Variants in ABCB1 observed in about 807,000 individuals in gnomAD.
The protein encoded by ABCB1 is ATP-dependent translocase ABCB1.
A neutral mutation model predicts 142.0 loss-of-function variants in ABCB1; 69 were observed. The observed-to-expected ratio is 0.49, with a 90% CI of 0.40 to 0.59. The LOEUF is 0.59. Ranked by LOEUF, ABCB1 falls within the 20% of genes least tolerant of loss-of-function variation. The pLI, the probability that ABCB1 is intolerant of heterozygous loss-of-function variation, is 0.00. For missense variants in ABCB1, 1,326 were observed against 1,554.7 expected (o/e 0.85, Z 2.47); for synonymous variants, 532 against 539.2 (o/e 0.99, Z 0.18).
intron 1 of ABCB1, among the ~76,000 whole-genome samples, chr7:87,677,308 C>T (rs1351965111): frequency 1.4e-5 from 2 of 146,978 alleles, no homozygotes; most frequent in Admixed American, 6.8e-5. Context: ...CACACACACA[C>T]ACCACAATGG....
chr7:87,600,225 T>C (rs200672118), intron 1 of ABCB1, 35 bp from the exon 2 acceptor site: 3 of 1,588,780 alleles, frequency 1.9e-6, no homozygotes, highest in South Asian at 2.2e-5. Flanking sequence ...GCCAAATGCA[T>C]GAGCCTCAGG....
intron 1 of ABCB1, among the ~76,000 whole-genome samples, chr7:87,637,523 A>T (rs1238574150): frequency 6.6e-6 from 1 of 151,852 alleles, no homozygotes; most frequent in Non-Finnish European, 1.5e-5. Flanking sequence ...CATCTTTATG[A>T]TATTAAGACT....
At chr7:87,542,202 C>T (rs754840001) in intron 17 of ABCB1, among the ~76,000 whole-genome samples, 3 of 152,094 alleles carry the variant, frequency 2.0e-5, no homozygotes, top group Non-Finnish European at 4.4e-5. Flanking sequence ...ATAACAACAA[C>T]AACAAGGATT....
chr7:87,642,973 A>G (rs531398818), intron 1 of ABCB1, among the ~76,000 whole-genome samples: 2 of 152,200 alleles, frequency 1.3e-5, no homozygotes, highest in East Asian at 3.9e-4. Context: ...TGGAGTGTAG[A>G]CGCATGACCA....
chr7:87,658,564 A>T lies in ABCB1; in HGVS notation c.-331+54597T>A, dbSNP rs28746492. ...GCAAACCACAAATAGGAAAAATTCA[A>T]ATAAATTCATGCCAAAGGCACGATA... On this transcript the variant is annotated intron_variant, in intron 1 of 28. Transcript: ENST00000265724. Among the ~76,000 whole-genome samples the T allele has an allele frequency of 3.7e-4, 57 of 152,276 alleles. 1 individual carries two copies. The East Asian group carries it at 0.01, about 28-fold the overall frequency.
intron 1 of ABCB1, among the ~76,000 whole-genome samples, chr7:87,693,674 C>T (rs892029805): frequency 1.3e-5 from 2 of 152,182 alleles, no homozygotes; most frequent in African/African-American, 2.4e-5. Flanking sequence ...TTTTGACTTA[C>T]AGACACCTTA....
At chr7:87,635,243 A>C (rs759273338) in intron 1 of ABCB1, among the ~76,000 whole-genome samples, 18 of 152,184 alleles carry the variant, frequency 1.2e-4, no homozygotes, top group Admixed American at 1.1e-3. Context: ...ACACTCTTCT[A>C]TCCCCAACTG....
intron 7 of ABCB1, chr7:87,564,280 C>T (rs971878243): frequency 9.1e-6 from 3 of 328,932 alleles, no homozygotes; most frequent in South Asian, 2.6e-5. Flanking sequence ...GTTCCAGGAG[C>T]GGTTTAATAT....
At chr7:87,686,518 T>C (rs1447884740) in intron 1 of ABCB1, among the ~76,000 whole-genome samples, 2 of 152,116 alleles carry the variant, frequency 1.3e-5, no homozygotes, top group East Asian at 1.9e-4. Context: ...GTAGGCCACA[T>C]AGATTAAGAA....
rs1214924354 is a variant in ABCB1, at chr7:87,524,775, C to CA, written c.2686-3900dup. Among the ~76,000 whole-genome samples, 1,104 of 134,240 alleles carry CA rather than the reference C, an allele frequency of 8.2e-3. 12 individuals are homozygous for CA. The highest frequency in any genetic ancestry group is 0.027 in the African/African-American group (983 of 36,628). The allele number at this position is 134,240 out of a possible 152,430, so 88.1% of individuals were successfully genotyped here. A position where few individuals can be genotyped will look rare whatever the true frequency, so the allele number is the denominator to read the frequency against. On this transcript the variant is annotated intron_variant, in intron 21 of 27. Coordinates refer to ENST00000622132, the MANE Select transcript of ABCB1 (RefSeq NM_001348946.2). ...AAAATAAAAGCTGAAGTTTCACAAG[C>CA]AAAAAAAAAAAGAAATATTTCTAAT... is the stretch of plus-strand genomic sequence containing the variant.
chr7:87,605,951 A>C (rs73705273), intron 1 of ABCB1, among the ~76,000 whole-genome samples: 2,040 of 152,280 alleles, frequency 0.013, 50 homozygotes, highest in African/African-American at 0.046. Context: ...ATTGAAAATA[A>C]ATAATAATAT....
intron 8 of ABCB1, among the ~76,000 whole-genome samples, chr7:87,558,465 G>A (rs895721164): frequency 6.6e-6 from 1 of 152,018 alleles, no homozygotes; most frequent in African/African-American, 2.4e-5. Context: ...TATCGTCTGT[G>A]AATAACGACA....
intron 8 of ABCB1, 101 bp downstream of exon 8, chr7:87,561,160 CAT>C (rs940160478): frequency 1.0e-5 from 14 of 1,379,370 alleles, no homozygotes; most frequent in African/African-American, 7.3e-5. Context: ...TTTAAGAAAA[CAT>C]ATATATGGGA....
intron 17 of ABCB1, among the ~76,000 whole-genome samples, chr7:87,543,511 G>A (rs1002440142): frequency 2.0e-5 from 3 of 152,022 alleles, no homozygotes; most frequent in Non-Finnish European, 4.4e-5. Flanking sequence ...TTATGGCAAG[G>A]GTGTCCTCAG....
At chr7:87,710,292 AG>A (rs1304917183) in intron 1 of ABCB1, among the ~76,000 whole-genome samples, 1 of 152,166 alleles carries the variant, frequency 6.6e-6, no homozygotes, top group Admixed American at 6.5e-5. Context: ...GTAATTCAAA[AG>A]AAGTCTCTAA....
chr7:87,626,099 TTGTCATATATATGTGTC>T (rs1820447421), intron 1 of ABCB1, among the ~76,000 whole-genome samples: 12 of 95,502 alleles, frequency 1.3e-4, no homozygotes, highest in African/African-American at 6.4e-4. Context: ...TATATATATA[TTGTCATATATATGTGTC>T]ATATATATTG....
At chr7:87,597,178 G>C (rs1328042361) in intron 2 of ABCB1, among the ~76,000 whole-genome samples, 1 of 151,952 alleles carries the variant, frequency 6.6e-6, no homozygotes, top group East Asian at 1.9e-4. Context: ...TGCAACCTCA[G>C]ATTTCTGAGA....
chr7:87,611,032 C>T (rs1433559796), intron 1 of ABCB1, among the ~76,000 whole-genome samples: 1 of 152,182 alleles, frequency 6.6e-6, no homozygotes, highest in African/African-American at 2.4e-5. Context: ...ACTAGTTTCT[C>T]CACATTTACT....
At chr7:87,584,651 T>G (rs1818656695) in intron 4 of ABCB1, among the ~76,000 whole-genome samples, 1 of 152,190 alleles carries the variant, frequency 6.6e-6, no homozygotes, top group African/African-American at 2.4e-5. Context: ...ATCTGTTTTC[T>G]CTGTCTCTAT....
Sources: gnomAD v4.1 joint callset for allele counts (sites outside exome capture counted in the v4.1 genomes callset) on GRCh38, gnomAD v4.1.1 for gene constraint, MANE v1.5 for transcripts, NCBI Gene and HGNC (gene_info 2026-07-23, HGNC 2026-07-21) for gene names.